Variants in DYRK1A observed in about 807,000 individuals in gnomAD.
DYRK1A encodes the protein dual specificity tyrosine phosphorylation regulated kinase 1A.
Under a neutral mutation model 79.7 loss-of-function variants are expected in DYRK1A, and 9 were observed. The ratio of observed to expected loss-of-function variants is 0.11; its 90% CI spans 0.07 to 0.20. The LOEUF (loss-of-function observed/expected upper bound fraction) is 0.20. Among genes scored for constraint, DYRK1A ranks in the 10% least tolerant of loss-of-function variants. The pLI is 1.00. For synonymous variants in DYRK1A, 349 were observed against 329.7 expected (o/e 1.06, Z -0.63); for missense variants, 622 against 956.0 (o/e 0.65, Z 4.61).
intron 2 of DYRK1A, among the ~76,000 whole-genome samples, chr21:37,460,635 T>G (rs1357616149): frequency 6.6e-6 from 1 of 152,210 alleles, no homozygotes; most frequent in African/African-American, 2.4e-5. Context: ...ATTCCTAGAT[T>G]TAATTAAGGG....
chr21:37,414,538 C>G (rs568707671), intron 1 of DYRK1A, among the ~76,000 whole-genome samples: 1 of 152,102 alleles, frequency 6.6e-6, no homozygotes, highest in Non-Finnish European at 1.5e-5. Flanking sequence ...CTGGGACTTT[C>G]GAGCTCAGTT....
rs2053928040 is a variant in DYRK1A at position 37,520,603 on chromosome 21, AATGGGCCG to A, written c.*8073_*8080del. On this transcript the variant is annotated 3_prime_UTR_variant, in exon 12 of 12. Transcript: ENST00000647188. ...TTAGACTATACATGATTTGCATTAC[AATGGGCCG>A]TGGATTTGGATGGATGATGAAGCTG... The A allele has an allele frequency of 6.6e-6, 1 of 152,212 alleles. No individual in the cohort carries two copies. Among genetic ancestry groups the A allele is most frequent in the African/African-American group, 2.4e-5 (1 of 41,436 alleles). The allele number at this position is 152,212 out of a possible 1,614,324, so 9.4% of individuals were successfully genotyped here. A position where few individuals can be genotyped will look rare whatever the true frequency, so the allele number is the denominator to read the frequency against.
chr21:37,470,189 G>A (rs892361911), intron 2 of DYRK1A, among the ~76,000 whole-genome samples: 2 of 152,084 alleles, frequency 1.3e-5, no homozygotes, highest in East Asian at 3.9e-4. Context: ...GGTCAGGATA[G>A]TAGTAACTTT....
intron 1 of DYRK1A, among the ~76,000 whole-genome samples, chr21:37,394,813 A>T (rs1440776563): frequency 6.6e-6 from 1 of 152,218 alleles, no homozygotes; most frequent in Non-Finnish European, 1.5e-5. Context: ...ACTCAGCTCC[A>T]CGTTGCACCT....
chr21:37,372,352 G>A (rs2049449429), intron 1 of DYRK1A, among the ~76,000 whole-genome samples: 1 of 151,950 alleles, frequency 6.6e-6, no homozygotes. Flanking sequence ...GGAGACTGAG[G>A]TGGGAGGATC....
At position 37,522,461 on chromosome 21, in the gene DYRK1A, G is replaced by A. The variant is rs1168711161; in HGVS notation, c.*9930G>A. ...TCTCCACGCTGACCTTGACTTTCGAGATCACATACCAAGACCTTCAGCTGG... is the reference window on the plus strand; with the variant it reads ...TCTCCACGCTGACCTTGACTTTCGAAATCACATACCAAGACCTTCAGCTGG... On this transcript the variant is annotated 3_prime_UTR_variant, in exon 12 of 12. Coordinates refer to ENST00000647188, the MANE Select transcript of DYRK1A (RefSeq NM_001347721.2). 1 of 152,290 alleles carries A rather than the reference G, an allele frequency of 6.6e-6. No homozygotes were observed. Among genetic ancestry groups the A allele is most frequent in the Non-Finnish European group, 1.5e-5 (1 of 68,078 alleles). 9.4% of individuals were successfully genotyped at this position (152,290 alleles called of 1,614,324 possible).
chr21:37,477,316 C>T (rs1369918589), intron 3 of DYRK1A, among the ~76,000 whole-genome samples: 1 of 152,126 alleles, frequency 6.6e-6, no homozygotes, highest in African/African-American at 2.4e-5. Flanking sequence ...CTGTGACCAC[C>T]TTGATGGAAA....
At chr21:37,367,741 TAGG>T (rs2049339666) in intron 1 of DYRK1A, 113 bp downstream of exon 1, 1 of 139,514 alleles carries the variant, frequency 7.2e-6, no homozygotes, top group South Asian at 2.5e-4. Context: ...CCTGCCATTT[TAGG>T]AGGAGGCGCC....
chr21:37,439,627 T>TCGGTTCACTGC (rs2051031451), intron 2 of DYRK1A, among the ~76,000 whole-genome samples: 1 of 152,188 alleles, frequency 6.6e-6, no homozygotes, highest in Admixed American at 6.5e-5. Flanking sequence ...TATGAGAGTC[T>TCGGTTCACTGC]AATGCCTGAT....
chr21:37,405,754 GTAGTCATACATTAGTGTGATTT>G (rs1399600168), intron 1 of DYRK1A, among the ~76,000 whole-genome samples: 1 of 152,074 alleles, frequency 6.6e-6, no homozygotes, highest in Non-Finnish European at 1.5e-5. Flanking sequence ...TGGTGTGTGC[GTAGTCATACATTAGTGTGATTT>G]TTGTCTGTTT....
intron 2 of DYRK1A, among the ~76,000 whole-genome samples, chr21:37,436,385 G>T (rs1205976376): frequency 6.6e-6 from 1 of 152,206 alleles, no homozygotes; most frequent in African/African-American, 2.4e-5. Flanking sequence ...CCAGCTTCCA[G>T]GCAGGCTTGT....
chr21:37,407,072 A>T (rs1401403055), intron 1 of DYRK1A, among the ~76,000 whole-genome samples: 3 of 151,410 alleles, frequency 2.0e-5, no homozygotes, highest in Non-Finnish European at 2.9e-5. Context: ...GTCTTCATTT[A>T]TATATAAGTG....
rs533072278 is a variant in DYRK1A at position 37,491,691 on chromosome 21, C to T, written c.924+1230C>T. 5.3e-5 allele frequency among the ~76,000 whole-genome samples: 8 copies of T among 152,174 alleles called. No homozygotes were observed. In the South Asian group the frequency reaches 1.0e-3, roughly 20 times the overall value. On this transcript the variant is annotated intron_variant, in intron 7 of 11. Coordinates refer to ENST00000647188, the MANE Select transcript of DYRK1A (RefSeq NM_001347721.2). ...TGCCTTCAAAAAATCAAGAGATGCT[C>T]GTAGTTAATATGTGGTAGAGTATAT...
At chr21:37,389,199 T>C (rs543556488) in intron 1 of DYRK1A, among the ~76,000 whole-genome samples, 37 of 151,794 alleles carry the variant, frequency 2.4e-4, no homozygotes, top group African/African-American at 8.7e-4. Flanking sequence ...CTCTCTCTCT[T>C]TTTTTAAAAA....
intron 1 of DYRK1A, among the ~76,000 whole-genome samples, chr21:37,392,004 C>G (rs1459970037): frequency 2.0e-5 from 3 of 152,234 alleles, no homozygotes; most frequent in African/African-American, 4.8e-5. Flanking sequence ...ATTTAACCCT[C>G]AAAGCAACTC....
intron 6 of DYRK1A, chr21:37,488,357 C>T (rs745562794): frequency 2.9e-4 from 263 of 919,388 alleles, no homozygotes; most frequent in Non-Finnish European, 3.2e-4. Context: ...TTAAGGTATC[C>T]GAAAGTCATA....
intron 1 of DYRK1A, among the ~76,000 whole-genome samples, chr21:37,402,119 T>G (rs1257200944): frequency 6.6e-6 from 1 of 152,244 alleles, no homozygotes; most frequent in Non-Finnish European, 1.5e-5. Context: ...ACAATTTTAT[T>G]ATTTTTGCTT....
At chr21:37,495,752 A>T (rs1247105590) in intron 8 of DYRK1A, among the ~76,000 whole-genome samples, 2 of 152,106 alleles carry the variant, frequency 1.3e-5, no homozygotes, top group African/African-American at 4.8e-5. Context: ...TGAGTGCACC[A>T]CTGTACTCCA....
chr21:37,385,074 T>C (rs1399189931), intron 1 of DYRK1A, among the ~76,000 whole-genome samples: 1 of 151,906 alleles, frequency 6.6e-6, no homozygotes, highest in East Asian at 1.9e-4. Flanking sequence ...CAAGCAGAAG[T>C]TGGCTTCATA....
Sources: gnomAD v4.1 joint callset for allele counts (sites outside exome capture counted in the v4.1 genomes callset) on GRCh38, gnomAD v4.1.1 for gene constraint, MANE v1.5 for transcripts, NCBI Gene and HGNC (gene_info 2026-07-23, HGNC 2026-07-21) for gene names.